Variants in ZNF296 observed in about 807,000 individuals in gnomAD.
ZNF296 encodes zinc finger protein 296, also known as zinc finger protein 342.
Under a neutral mutation model 13.2 loss-of-function variants are expected in ZNF296, and 1 was observed. The observed-to-expected ratio is 0.08, with a 90% CI of 0.03 to 0.36. ZNF296 has a LOEUF of 0.36. Among genes scored for constraint, ZNF296 ranks in the 10% least tolerant of loss-of-function variants. The pLI, the probability that ZNF296 is intolerant of heterozygous loss-of-function variation, is 0.99. For missense variants in ZNF296, 555 were observed against 688.2 expected (o/e 0.81, Z 2.16); for synonymous variants, 303 against 289.0 (o/e 1.05, Z -0.49).
rs1427618833 is a variant in ZNF296, at chr19:45,075,515, T to TC, written c.448+197dup. ...TAGGCGGCCCTCCTTCCCTGCCCAG[T>TC]CCCCCCCCGCCCCCCCTCCACCGCC... On this transcript the variant is annotated intron_variant, in intron 2 of 2. Transcript: ENST00000303809. Among the ~76,000 whole-genome samples, 408 of 129,158 alleles carry TC rather than the reference T, an allele frequency of 3.2e-3. 2 individuals are homozygous for TC. The highest frequency in any genetic ancestry group is 0.019 in the East Asian group (78 of 4,014). 84.7% of individuals were successfully genotyped at this position (129,158 alleles called of 152,430 possible). A position where few individuals can be genotyped will look rare whatever the true frequency, so the allele number is the denominator to read the frequency against.
chr19:45,074,009 C>G (rs975658872), intron 2 of ZNF296, among the ~76,000 whole-genome samples: 4 of 139,528 alleles, frequency 2.9e-5, no homozygotes, highest in African/African-American at 1.1e-4. Flanking sequence ...GTGACAAAAG[C>G]GAGACTCTGT....
At position 45,071,692 on chromosome 19, in the gene ZNF296, T is replaced by G; in HGVS notation, c.1337A>C (p.Glu446Ala). 1.3e-6 allele frequency: 2 copies of G among 1,581,462 alleles called. No individual in the cohort carries two copies. The highest frequency in any genetic ancestry group is 1.7e-6 in the Non-Finnish European group (2 of 1,163,332). Residue 446 changes from glutamate (E) to alanine (A), a missense_variant, in exon 3 of 3, where the codon GAG becomes GCG. Glu to Ala is a moderately radical substitution (Grantham distance 107, BLOSUM62 -1). Around this residue, in one of 3 missense-constraint regions of ZNF296, gnomAD observed 410 missense variants for 548.0 expected, o/e 0.75. Transcript: ENST00000303809. ...GAAGGGCACATGGCAGTGGGGGCACTCGAAGCGGGTGCTGCCAGGCGTCAT... is the reference window on the plus strand; with the variant it reads ...GAAGGGCACATGGCAGTGGGGGCACGCGAAGCGGGTGCTGCCAGGCGTCAT... The part of the protein sequence containing the change: ...HGMTPGSTRF[E>A]CPHCHVPFGL...
At chr19:45,075,065 A>T (rs2122635636) in intron 2 of ZNF296, among the ~76,000 whole-genome samples, 1 of 152,172 alleles carries the variant, frequency 6.6e-6, no homozygotes, top group East Asian at 1.9e-4. Context: ...CACTGACCAA[A>T]AGCTCACCGA....
rs767525485 is a variant in ZNF296, at chr19:45,072,034, C to T, written c.995G>A (p.Gly332Asp). The change falls in exon 3 of 3, where the codon GGT becomes GAT. Residue 332 changes from glycine to aspartate, a missense_variant. By Grantham distance (94) the Gly-to-Asp change is moderately conservative (BLOSUM62 -1). Coordinates refer to ENST00000303809, the MANE Select transcript of ZNF296 (RefSeq NM_145288.3). ...GCCAGGAGCCCCGGGTTCCTGGACA[C>T]CTGCTGTGGCGGCGGCTCCAGCCCC... Reference protein sequence around the residue: ...GEGAGAAATAGVQEPGAPGSG... With the variant: ...GEGAGAAATADVQEPGAPGSG... The T allele has an allele frequency of 6.2e-7, 1 of 1,613,070 alleles. No homozygotes were observed. Among genetic ancestry groups the T allele is most frequent in the South Asian group, 1.1e-5 (1 of 91,080 alleles).
chr19:45,076,086 C>T lies in ZNF296; in HGVS notation c.288G>A (p.Pro96=). The part of the protein sequence containing the change: ...NPWTLWTPLT[P]NYPDRQPWTD... ...GCCCGGGGTGCTCACCGGGATAGTT[C>T]GGGGTCAACGGCGTCCACAGGGTCC... is the stretch of plus-strand genomic sequence containing the variant. Residue 96 remains proline (P), a synonymous_variant, in exon 1 of 3, where the codon CCG becomes CCA. Transcript: ENST00000303809. This position sits in a 1 kb window ranked among gnomAD's most constrained non-coding sequence, Gnocchi z 4.9. 2 of 1,580,328 alleles carry T rather than the reference C, an allele frequency of 1.3e-6. No homozygotes were observed. Among genetic ancestry groups the T allele is most frequent in the Non-Finnish European group, 1.7e-6 (2 of 1,169,224 alleles).
chr19:45,075,627 A>G (rs1967331453), intron 2 of ZNF296, 86 bp downstream of exon 2: 7 of 1,502,658 alleles, frequency 4.7e-6, no homozygotes, highest in Non-Finnish European at 6.3e-6. Context: ...AGTAGTGCTC[A>G]GTGCCCTGCC....
At chr19:45,074,033 AT>A (rs1192824443) in intron 2 of ZNF296, among the ~76,000 whole-genome samples, 1 of 148,610 alleles carries the variant, frequency 6.7e-6, no homozygotes, top group East Asian at 2.1e-4. Context: ...AAAAAAAAAA[AT>A]TTTTTTTGGT....
intron 2 of ZNF296, among the ~76,000 whole-genome samples, 191 bp downstream of exon 2, chr19:45,075,522 C>A (rs995798507): frequency 6.9e-6 from 1 of 145,334 alleles, no homozygotes; most frequent in African/African-American, 2.5e-5. Context: ...CAGTCCCCCC[C>A]CGCCCCCCCT....
chr19:45,072,669 C>T (rs1967279069), intron 2 of ZNF296, 89 bp from the exon 3 acceptor site: 1 of 1,465,852 alleles, frequency 6.8e-7, no homozygotes, highest in African/African-American at 1.4e-5. Flanking sequence ...GGGCAAAGGA[C>T]TTGGCAGTAA....
At chr19:45,073,532 C>T (rs967412714) in intron 2 of ZNF296, among the ~76,000 whole-genome samples, 5 of 150,480 alleles carry the variant, frequency 3.3e-5, no homozygotes, top group African/African-American at 7.3e-5. Context: ...AGGATGGTCG[C>T]GATCTCCTGA....
At chr19:45,075,525 C>T (rs1370711699) in intron 2 of ZNF296, among the ~76,000 whole-genome samples, 188 bp downstream of exon 2, 2 of 150,078 alleles carry the variant, frequency 1.3e-5, no homozygotes, top group Admixed American at 1.3e-4. Flanking sequence ...TCCCCCCCCG[C>T]CCCCCCTCCA....
chr19:45,076,226 GC>G lies in ZNF296; in HGVS notation c.147del (p.Phe51SerfsTer44). On this transcript the variant is annotated frameshift_variant, in exon 1 of 3. Transcript: ENST00000303809. LOFTEE classifies it high-confidence loss of function. This position sits in a 1 kb window ranked among gnomAD's most constrained non-coding sequence, Gnocchi z 4.9. ...DAQPQQAPRL[G>X]PFSPKEVSSA... ...GAGGACACCTCCTTCGGGGAGAAGG[GC>G]CCCAGCCTTGGGGCCTGTTGGGGCT... The G allele has an allele frequency of 6.6e-7, 1 of 1,508,422 alleles. No individual in the cohort carries two copies. 93.4% of individuals were successfully genotyped at this position (1,508,422 alleles called of 1,614,324 possible).
Position 45,071,689 on chromosome 19 carries a change from C to A in ZNF296, c.1340G>T (p.Cys447Phe). 1 of 1,578,152 alleles carries A rather than the reference C, an allele frequency of 6.3e-7. No individual in the cohort carries two copies. The highest frequency in any genetic ancestry group is 8.6e-7 in the Non-Finnish European group (1 of 1,161,838). Residue 447 changes from cysteine (C) to phenylalanine (F), a missense_variant, in exon 3 of 3, where the codon TGC becomes TTC. Transcript: ENST00000303809. ...GCCGAAGGGCACATGGCAGTGGGGG[C>A]ACTCGAAGCGGGTGCTGCCAGGCGT... ...GMTPGSTRFE[C>F]PHCHVPFGLR... is the part of the protein sequence containing the mutation.
In ZNF296 at chr19:45,076,006, G is replaced by A; in HGVS notation, c.298+70C>T. On this transcript the variant is annotated intron_variant, in intron 1 of 2. Coordinates refer to ENST00000303809, the MANE Select transcript of ZNF296 (RefSeq NM_145288.3). The surrounding 1 kb of genome is among the most constrained non-coding windows in gnomAD (Gnocchi z 4.9). The stretch of plus-strand genomic sequence containing the variant: ...AGATAAGGCAGGGCGAGGGGCCCAT[G>A]CCCAAAGGGAAGGGTCCCACCCGAG... 2 of 1,567,516 alleles carry A rather than the reference G, an allele frequency of 1.3e-6. No homozygotes were observed. The highest frequency in any genetic ancestry group is 2.0e-5 in the Admixed American group (1 of 49,102).
Position 45,071,584 on chromosome 19 carries a change from G to C in ZNF296, c.*17C>G. ...TTGGCAGCGGTACCAGGGACAGTGA[G>C]GGGGGCTTTCCTGGGCTCAGGCCTC... On this transcript the variant is annotated 3_prime_UTR_variant, in exon 3 of 3. Transcript: ENST00000303809. 6.6e-7 allele frequency: 1 copy of C among 1,506,092 alleles called. No homozygotes were observed. The highest frequency in any genetic ancestry group is 2.3e-5 in the East Asian group (1 of 44,118). The allele number at this position is 1,506,092 out of a possible 1,614,324, so 93.3% of individuals were successfully genotyped here. A position where few individuals can be genotyped will look rare whatever the true frequency, so the allele number is the denominator to read the frequency against.
intron 2 of ZNF296, among the ~76,000 whole-genome samples, chr19:45,074,310 G>T (rs1397947763): frequency 1.3e-5 from 2 of 152,106 alleles, no homozygotes; most frequent in African/African-American, 4.8e-5. Context: ...GCAGTGAGCT[G>T]AGATTGCACC....
At chr19:45,074,269 G>A (rs572306277) in intron 2 of ZNF296, among the ~76,000 whole-genome samples, 1 of 151,926 alleles carries the variant, frequency 6.6e-6, no homozygotes, top group South Asian at 2.1e-4. Context: ...GCTGAGGCAG[G>A]AGAATCACTT....
At chr19:45,075,138 A>G (rs539155815) in intron 2 of ZNF296, among the ~76,000 whole-genome samples, 89 of 152,282 alleles carry the variant, frequency 5.8e-4, no homozygotes, top group African/African-American at 2.1e-3. Flanking sequence ...GGTGTCCAGC[A>G]CCCGGGAGCT....
rs1238648543 is a variant in ZNF296, at chr19:45,072,104, G to A, written c.925C>T (p.His309Tyr). 2 of 1,610,020 alleles carry A rather than the reference G, an allele frequency of 1.2e-6. No individual in the cohort carries two copies. Among genetic ancestry groups the A allele is most frequent in the South Asian group, 1.1e-5 (1 of 90,936 alleles). ...AGGGTGCTGGTGGGGGCAGCAGCAT[G>A]GACAGCCGGCTCCGGAGGGGCTGCA... ...ASAAPPEPAVHAAAPTSTLPC... is the reference protein window; with the variant it reads ...ASAAPPEPAVYAAAPTSTLPC... Residue 309 changes from histidine (H) to tyrosine (Y), a missense_variant, in exon 3 of 3, where the codon CAT (histidine) becomes TAT (tyrosine). Physicochemically the swap from His to Tyr is moderately conservative, Grantham distance 83 (BLOSUM62 2). Around this residue, in one of 3 missense-constraint regions of ZNF296, gnomAD observed 410 missense variants for 548.0 expected, o/e 0.75. Coordinates refer to ENST00000303809, the MANE Select transcript of ZNF296 (RefSeq NM_145288.3).
Sources: allele counts gnomAD v4.1 joint callset (sites outside exome capture counted in the v4.1 genomes callset), GRCh38; gene constraint gnomAD v4.1.1; regional missense constraint gnomAD v4.1.1; non-coding constraint Gnocchi (gnomAD v3.1); transcripts MANE v1.5; gene names NCBI Gene and HGNC (gene_info 2026-07-23, HGNC 2026-07-21).